Variants in NOL4L observed in about 807,000 individuals in gnomAD.
NOL4L encodes nucleolar protein 4-like.
A neutral mutation model predicts 64.5 loss-of-function variants in NOL4L; 7 were observed. That is an observed-to-expected ratio of 0.11 (90% CI 0.06 to 0.20). NOL4L has a LOEUF of 0.20. NOL4L is among the 10% of genes least tolerant of loss of function. The probability of loss-of-function intolerance (pLI) is 1.00; values close to 1 mark genes in which losing one functional copy is unlikely to be tolerated. For synonymous variants in NOL4L, 413 were observed against 401.0 expected, an observed-to-expected ratio of 1.03 and a Z score of -0.36; for missense variants, 680 against 967.1, an observed-to-expected ratio of 0.70 and a Z score of 3.94.
intron 1 of NOL4L, among the ~76,000 whole-genome samples, chr20:32,539,139 CA>C (rs1374656053): frequency 3.3e-5 from 5 of 152,136 alleles, no homozygotes; most frequent in Non-Finnish European, 7.4e-5. Context: ...GGTCCCAGCC[CA>C]AGGGCAGGGC....
intron 1 of NOL4L, among the ~76,000 whole-genome samples, chr20:32,544,822 A>AC (rs1159771584): frequency 6.6e-6 from 1 of 152,252 alleles, no homozygotes; most frequent in Non-Finnish European, 1.5e-5. Context: ...AGCCTTGGTC[A>AC]CTAGTAAAAT....
intron 4 of NOL4L, among the ~76,000 whole-genome samples, chr20:32,486,372 A>G (rs1393525977): frequency 6.6e-6 from 1 of 152,234 alleles, no homozygotes; most frequent in Non-Finnish European, 1.5e-5. Context: ...TGGCAGAGAA[A>G]GCTGATCCCA....
intron 1 of NOL4L, chr20:32,537,089 T>C: frequency 5.1e-6 from 5 of 984,866 alleles, no homozygotes; most frequent in Non-Finnish European, 6.0e-6. Flanking sequence ...CCACCTGTCC[T>C]TTGTGCAGGG....
At chr20:32,548,646 G>T in intron 1 of NOL4L, 1 of 294,264 alleles carries the variant, frequency 3.4e-6, no homozygotes, top group South Asian at 2.7e-5. Flanking sequence ...TTATTGCCGG[G>T]AGTGAAAATT....
rs1344103033 is a variant in NOL4L at position 32,443,986 on chromosome 20, T to A, written c.*3610A>T. ...AGTTCTACGTGGTATAGGTTTTTTGTTGTATTTTTAGGTGGAAACGTAGGT... is the reference window on the plus strand; with the variant it reads ...AGTTCTACGTGGTATAGGTTTTTTGATGTATTTTTAGGTGGAAACGTAGGT... On this transcript the variant is annotated 3_prime_UTR_variant, in exon 11 of 11. Transcript: ENST00000621426. 1 of 152,216 alleles carries A rather than the reference T, an allele frequency of 6.6e-6. No homozygotes were observed. Among genetic ancestry groups the A allele is most frequent in the Non-Finnish European group, 1.5e-5 (1 of 68,042 alleles). The allele number at this position is 152,216 out of a possible 1,614,324, so 9.4% of individuals were successfully genotyped here. A position where few individuals can be genotyped will look rare whatever the true frequency, so the allele number is the denominator to read the frequency against.
intron 10 of NOL4L, chr20:32,451,796 GCTGGGCCAGGCCAGCAGCTGT>G (rs1295276455): frequency 6.5e-6 from 1 of 154,064 alleles, no homozygotes; most frequent in Non-Finnish European, 1.4e-5. Context: ...CGGGGCCACA[GCTGGGCCAGGCCAGCAGCTGT>G]CTCACTGAGC....
chr20:32,488,779 C>CT (rs1411394249), intron 4 of NOL4L, among the ~76,000 whole-genome samples: 10 of 51,740 alleles, frequency 1.9e-4, no homozygotes, highest in African/African-American at 6.6e-4. Flanking sequence ...TCCTTCCTTC[C>CT]TTCCTTCCTT....
intron 4 of NOL4L, among the ~76,000 whole-genome samples, chr20:32,478,147 C>T (rs2015506862): frequency 6.6e-6 from 1 of 152,114 alleles, no homozygotes; most frequent in African/African-American, 2.4e-5. Context: ...CACCTCACCA[C>T]ATCTCCTCCC....
At chr20:32,534,118 A>G (rs2018434994) in intron 1 of NOL4L, among the ~76,000 whole-genome samples, 1 of 152,190 alleles carries the variant, frequency 6.6e-6, no homozygotes, top group South Asian at 2.1e-4. Context: ...CACCATCACT[A>G]TATTAGTAGA....
chr20:32,488,812 T>C (rs866213707), intron 4 of NOL4L, among the ~76,000 whole-genome samples: 3,898 of 28,802 alleles, frequency 0.14, 297 homozygotes, highest in East Asian at 0.24. Flanking sequence ...TCTTTTTCTT[T>C]CTTTCTTTCT....
intron 4 of NOL4L, among the ~76,000 whole-genome samples, chr20:32,499,347 A>C (rs1352256951): frequency 2.0e-5 from 3 of 152,156 alleles, no homozygotes; most frequent in Non-Finnish European, 4.4e-5. Context: ...GCCTGGGATA[A>C]AGTGTCTTCA....
intron 5 of NOL4L, among the ~76,000 whole-genome samples, chr20:32,465,512 T>A (rs1334396361): frequency 1.3e-5 from 2 of 152,350 alleles, no homozygotes; most frequent in East Asian, 3.9e-4. Context: ...ACTGCCTGTG[T>A]GTGGGTGTTC....
intron 4 of NOL4L, chr20:32,509,803 T>C: frequency 1.5e-6 from 2 of 1,303,730 alleles, no homozygotes; most frequent in Non-Finnish European, 2.0e-6. Flanking sequence ...CTGGATTTAG[T>C]GCCATTCTGT....
At chr20:32,477,033 C>A (rs2015438190) in intron 4 of NOL4L, among the ~76,000 whole-genome samples, 1 of 152,186 alleles carries the variant, frequency 6.6e-6, no homozygotes, top group Admixed American at 6.5e-5. Context: ...AGAGGAGCCA[C>A]ACGAAAAGTT....
Position 32,474,651 on chromosome 20 carries a change from C to G in NOL4L, c.791G>C (p.Ser264Thr). 6.2e-7 allele frequency: 1 copy of G among 1,613,792 alleles called. No individual in the cohort carries two copies. Among genetic ancestry groups the G allele is most frequent in the Non-Finnish European group, 8.5e-7 (1 of 1,179,972 alleles). The change falls in exon 5 of 11, where the codon AGC becomes ACC. Residue 264 changes from serine (S) to threonine (T), a missense_variant. This residue lies in a region of NOL4L where 254 missense variants were observed against 238.7 expected (regional missense o/e 1.06). Transcript: ENST00000621426. The stretch of plus-strand genomic sequence containing the variant: ...CGGGCTCCGCATCCTCTCGTCCTGG[C>G]TGGGGCTCAGGCTGGAGGCCAGGTG... ...DPHLASSLSPSQDERMRSPQN... is the reference protein window; with the variant it reads ...DPHLASSLSPTQDERMRSPQN...
At chr20:32,468,771 C>T (rs1356310868) in intron 5 of NOL4L, among the ~76,000 whole-genome samples, 2 of 151,280 alleles carry the variant, frequency 1.3e-5, no homozygotes, top group Non-Finnish European at 2.9e-5. Flanking sequence ...TGGTGGTGCA[C>T]GCCTGTAATC....
chr20:32,470,562 G>GC (rs751154880), intron 5 of NOL4L, among the ~76,000 whole-genome samples: 2 of 152,210 alleles, frequency 1.3e-5, no homozygotes, highest in Non-Finnish European at 2.9e-5. Flanking sequence ...CAGCCCCAAG[G>GC]CAACGCCAGA....
intron 2 of NOL4L, 58 bp downstream of exon 2, chr20:32,527,700 C>G: frequency 2.7e-6 from 4 of 1,500,414 alleles, no homozygotes; most frequent in Middle Eastern, 1.9e-4. Flanking sequence ...GTGCGGAGCC[C>G]GTGGCCTCCT....
intron 4 of NOL4L, chr20:32,509,750 C>T (rs990400201): frequency 4.1e-5 from 52 of 1,273,876 alleles, no homozygotes; most frequent in Non-Finnish European, 5.3e-5. Context: ...AGTGAGAGAT[C>T]GCAACTTGCA....
Sources: gnomAD v4.1 joint callset for allele counts (sites outside exome capture counted in the v4.1 genomes callset) on GRCh38, gnomAD v4.1.1 for gene constraint, gnomAD v4.1.1 regional missense constraint, MANE v1.5 for transcripts, NCBI Gene and HGNC (gene_info 2026-07-23, HGNC 2026-07-21) for gene names.